PGM2L1: variants seen among roughly 807,000 people sequenced by gnomAD.
PGM2L1 encodes phosphoglucomutase 2 like 1.
Under a neutral mutation model 73.4 loss-of-function variants are expected in PGM2L1, and 35 were observed. The observed-to-expected ratio is 0.48, with a 90% CI of 0.36 to 0.63. PGM2L1 has a LOEUF of 0.63. Ranked by LOEUF, PGM2L1 falls within the 30% of genes least tolerant of loss-of-function variation. The pLI is 0.00. For synonymous variants in PGM2L1, 225 were observed against 253.8 expected (o/e 0.89, Z 1.08); for missense variants, 570 against 742.0 (o/e 0.77, Z 2.69).
intron 5 of PGM2L1, among the ~76,000 whole-genome samples, 155 bp downstream of exon 5, chr11:74,368,337 G>T (rs986699156): frequency 9.9e-5 from 15 of 152,170 alleles, no homozygotes; most frequent in African/African-American, 3.4e-4. Context: ...TACCATTAGG[G>T]ATACACATTC....
intron 5 of PGM2L1, among the ~76,000 whole-genome samples, chr11:74,367,817 G>T (rs2134925043): frequency 6.6e-6 from 1 of 152,262 alleles, no homozygotes; most frequent in African/African-American, 2.4e-5. Flanking sequence ...CTGTCCCTAT[G>T]AATGGTAACA....
Position 74,336,705 on chromosome 11 carries a change from T to G in PGM2L1, c.1816A>C (p.Ile606Leu). Residue 606 changes from isoleucine to leucine, a missense_variant, in exon 14 of 14, where the codon ATA becomes CTA. By Grantham distance (5) the Ile-to-Leu change is conservative (BLOSUM62 2). Coordinates refer to ENST00000298198, the MANE Select transcript of PGM2L1 (RefSeq NM_173582.6). ...EELKKLIDAL[I>L]ENFLQPSKNG... is the part of the protein sequence containing the mutation. Reference sequence around the variant, plus strand: ...TTACTAGGCTGAAGAAAATTCTCTATCAGAGCATCAATGAGTTTCTTCAGT... The same window carrying G: ...TTACTAGGCTGAAGAAAATTCTCTAGCAGAGCATCAATGAGTTTCTTCAGT... 6.2e-7 allele frequency: 1 copy of G among 1,613,114 alleles called. No individual in the cohort carries two copies.
At chr11:74,355,627 C>A in intron 5 of PGM2L1, 1 of 462,264 alleles carries the variant, frequency 2.2e-6, no homozygotes, top group East Asian at 6.0e-5. Context: ...GCTCTGGCCC[C>A]TATGGTGGTG....
At position 74,330,873 on chromosome 11, in the gene PGM2L1, C is replaced by T. The variant is rs147162668; in HGVS notation, c.*5779G>A. 6.6e-6 allele frequency: 1 copy of T among 152,188 alleles called. No individual in the cohort carries two copies. Among genetic ancestry groups the T allele is most frequent in the East Asian group, 1.9e-4 (1 of 5,194 alleles). The allele number at this position is 152,188 out of a possible 1,614,324, so 9.4% of individuals were successfully genotyped here. A position where few individuals can be genotyped will look rare whatever the true frequency, so the allele number is the denominator to read the frequency against. On this transcript the variant is annotated 3_prime_UTR_variant, in exon 14 of 14. Transcript: ENST00000298198. ...AATTTCCACAGAGAGATATGCTTTG[C>T]TCTCTCCAAAGAAACTGAGTATTTA...
chr11:74,341,199 CAGAG>C (rs1862176866), intron 12 of PGM2L1, among the ~76,000 whole-genome samples: 1 of 152,204 alleles, frequency 6.6e-6, no homozygotes, highest in African/African-American at 2.4e-5. Flanking sequence ...GGATCAAAGT[CAGAG>C]AGATAAGTTA....
intron 1 of PGM2L1, among the ~76,000 whole-genome samples, chr11:74,379,384 T>C (rs1014727385): frequency 6.6e-6 from 1 of 151,992 alleles, no homozygotes; most frequent in African/African-American, 2.4e-5. Flanking sequence ...ACCTCCAATA[T>C]TGGAGGTCAC....
intron 1 of PGM2L1, among the ~76,000 whole-genome samples, chr11:74,384,678 T>G (rs1329121310): frequency 6.6e-6 from 1 of 152,170 alleles, no homozygotes; most frequent in East Asian, 1.9e-4. Context: ...GTTGTTTGTT[T>G]GTTTGTTGTT....
intron 1 of PGM2L1, among the ~76,000 whole-genome samples, chr11:74,396,043 A>G (rs1435262456): frequency 6.6e-6 from 1 of 151,932 alleles, no homozygotes; most frequent in Non-Finnish European, 1.5e-5. Context: ...CTTGAGGCCC[A>G]GAGTTCAAGA....
At chr11:74,395,003 C>T (rs959027936) in intron 1 of PGM2L1, among the ~76,000 whole-genome samples, 7 of 152,108 alleles carry the variant, frequency 4.6e-5, no homozygotes, top group Admixed American at 3.3e-4. Flanking sequence ...TGCCATGAGT[C>T]TGATCTTATT....
intron 1 of PGM2L1, among the ~76,000 whole-genome samples, chr11:74,396,820 A>C (rs1478745357): frequency 6.6e-6 from 1 of 152,228 alleles, no homozygotes; most frequent in African/African-American, 2.4e-5. Flanking sequence ...AGGTTTGAGA[A>C]GCATTAGTTT....
chr11:74,373,622 T>C (rs1016560517), intron 2 of PGM2L1, among the ~76,000 whole-genome samples: 14 of 152,202 alleles, frequency 9.2e-5, no homozygotes, highest in Admixed American at 2.0e-4. Context: ...AATTATATCA[T>C]ATTACACAAC....
chr11:74,386,504 C>G (rs1863020733), intron 1 of PGM2L1, among the ~76,000 whole-genome samples: 1 of 150,440 alleles, frequency 6.6e-6, no homozygotes, highest in African/African-American at 2.5e-5. Context: ...GAGGTAGGGT[C>G]CCACTCTGTC....
rs75589262 is a variant in PGM2L1, at chr11:74,384,467, C to T, written c.112-9885G>A. Among the ~76,000 whole-genome samples, 15 of 151,924 alleles carry T rather than the reference C, an allele frequency of 9.9e-5. No homozygotes were observed. The East Asian group carries it at 1.4e-3, about 14-fold the overall frequency. On this transcript the variant is annotated intron_variant, in intron 1 of 13. Coordinates refer to ENST00000298198, the MANE Select transcript of PGM2L1 (RefSeq NM_173582.6). ...ATTTGATAAATATAGGAGCCCTTGC[C>T]GGTCAGTTTGCATTATCTGTTGTTT...
intron 1 of PGM2L1, among the ~76,000 whole-genome samples, chr11:74,389,199 C>T (rs1863055267): frequency 6.6e-6 from 1 of 152,142 alleles, no homozygotes; most frequent in Non-Finnish European, 1.5e-5. Flanking sequence ...CAGGAGGCTG[C>T]AGTGAGCTAT....
intron 12 of PGM2L1, among the ~76,000 whole-genome samples, chr11:74,338,936 CAT>C (rs979327470): frequency 2.6e-5 from 4 of 152,022 alleles, no homozygotes; most frequent in South Asian, 2.1e-4. Flanking sequence ...AAATTTAAAA[CAT>C]ATTTTAAAAG....
chr11:74,388,890 A>C (rs542904842), intron 1 of PGM2L1, among the ~76,000 whole-genome samples: 2 of 152,344 alleles, frequency 1.3e-5, no homozygotes, highest in South Asian at 4.1e-4. Flanking sequence ...AGTAATGCAG[A>C]CCACAGTTGA....
chr11:74,345,039 A>T (rs1450959160), intron 9 of PGM2L1, among the ~76,000 whole-genome samples: 1 of 152,096 alleles, frequency 6.6e-6, no homozygotes, highest in African/African-American at 2.4e-5. Flanking sequence ...GTTTTTTTGG[A>T]TGTAGGATCA....
At chr11:74,343,830 G>A (rs896807262) in intron 9 of PGM2L1, among the ~76,000 whole-genome samples, 2 of 128,436 alleles carry the variant, frequency 1.6e-5, no homozygotes, top group African/African-American at 5.8e-5. Flanking sequence ...CCAGGCTGGA[G>A]TGCAGTGGCG....
rs1166296230 is a variant in PGM2L1, at chr11:74,330,962, C to G, written c.*5690G>C. 6.6e-6 allele frequency: 1 copy of G among 152,152 alleles called. No homozygotes were observed. Among genetic ancestry groups the G allele is most frequent in the Admixed American group, 6.5e-5 (1 of 15,280 alleles). The allele number at this position is 152,152 out of a possible 1,614,324, so 9.4% of individuals were successfully genotyped here. On this transcript the variant is annotated 3_prime_UTR_variant, in exon 14 of 14. Coordinates refer to ENST00000298198, the MANE Select transcript of PGM2L1 (RefSeq NM_173582.6). Reference sequence around the variant, plus strand: ...CAGTGATGGGACTTCATTGAAAAAACTGAATTAGAAAATTCATTTTTTGAT... The same window carrying G: ...CAGTGATGGGACTTCATTGAAAAAAGTGAATTAGAAAATTCATTTTTTGAT...
Sources: gnomAD v4.1 joint callset for allele counts (sites outside exome capture counted in the v4.1 genomes callset) on GRCh38, gnomAD v4.1.1 for gene constraint, MANE v1.5 for transcripts, NCBI Gene and HGNC (gene_info 2026-07-23, HGNC 2026-07-21) for gene names.